DDAH1: variants seen among roughly 807,000 people sequenced by gnomAD.
The protein encoded by DDAH1 is dimethylarginine dimethylaminohydrolase 1.
A neutral mutation model predicts 28.8 loss-of-function variants in DDAH1; 19 were observed. The ratio of observed to expected loss-of-function variants is 0.66; its 90% CI spans 0.46 to 0.97. The LOEUF is 0.97. Ranked by LOEUF, DDAH1 falls within the 50% of genes least tolerant of loss-of-function variation. The probability of loss-of-function intolerance (pLI) is 0.00; values close to 1 mark genes in which losing one functional copy is unlikely to be tolerated. For missense variants in DDAH1, 326 were observed against 375.9 expected, an observed-to-expected ratio of 0.87 and a Z score of 1.10; for synonymous variants, 153 against 154.4, an observed-to-expected ratio of 0.99 and a Z score of 0.07.
chr1:85,550,748 A>ACACAC (rs1557752737), intron 1 of DDAH1, among the ~76,000 whole-genome samples: 1 of 150,590 alleles, frequency 6.6e-6, no homozygotes, highest in African/African-American at 2.4e-5. Flanking sequence ...AATAATAAAA[A>ACACAC]ACACACACAC....
intron 4 of DDAH1, among the ~76,000 whole-genome samples, chr1:85,332,747 G>T (rs549346654): frequency 4.6e-5 from 7 of 152,336 alleles, no homozygotes; most frequent in Admixed American, 3.3e-4. Context: ...CAAGCATGCT[G>T]TCTGGAGGCT....
chr1:85,560,220 GA>G (rs1214084657), intron 1 of DDAH1, among the ~76,000 whole-genome samples: 3 of 152,014 alleles, frequency 2.0e-5, no homozygotes, highest in African/African-American at 7.2e-5. Flanking sequence ...TCCGAACCCA[GA>G]AAAAATATTC....
At chr1:85,410,813 C>G (rs1652620830) in intron 1 of DDAH1, among the ~76,000 whole-genome samples, 2 of 152,312 alleles carry the variant, frequency 1.3e-5, no homozygotes, top group South Asian at 4.1e-4. Context: ...AAGTTTGTAT[C>G]ATAAATAATT....
chr1:85,400,277 C>T (rs190717893), intron 1 of DDAH1, among the ~76,000 whole-genome samples: 1,528 of 149,348 alleles, frequency 0.01, 9 homozygotes, highest in Middle Eastern at 0.032. Flanking sequence ...CTGCAACCTC[C>T]ACCTCCTGAG....
intron 1 of DDAH1, among the ~76,000 whole-genome samples, chr1:85,383,625 C>T (rs1651107094): frequency 6.6e-6 from 1 of 152,156 alleles, no homozygotes; most frequent in Admixed American, 6.5e-5. Context: ...TTGCTTCTTA[C>T]AGAGAAATGT....
In DDAH1 at chr1:85,437,228, T is replaced by C. The variant is rs1653981034; in HGVS notation, c.303+27515A>G. ...CATACTGGAGAGACCACATGGCATG[T>C]CCACACAGTGATGAAGAGAGAGGCC... On this transcript the variant is annotated intron_variant, in intron 1 of 5. Transcript: ENST00000284031. 2.0e-5 allele frequency among the ~76,000 whole-genome samples: 3 copies of C among 152,282 alleles called. 1 individual carries two copies. Among genetic ancestry groups the C allele is most frequent in the East Asian group, 1.9e-4 (1 of 5,180 alleles).
intron 1 of DDAH1, among the ~76,000 whole-genome samples, chr1:85,525,585 A>ACACACACG: frequency 6.6e-6 from 1 of 152,002 alleles, no homozygotes; most frequent in East Asian, 1.9e-4. Context: ...ACACACACAC[A>ACACACACG]CACTCCATAC....
chr1:85,465,051 C>A lies in DDAH1; in HGVS notation c.-6G>T. 7.7e-7 allele frequency: 1 copy of A among 1,295,650 alleles called. No individual in the cohort carries two copies. Among genetic ancestry groups the A allele is most frequent in the Non-Finnish European group, 9.8e-7 (1 of 1,024,730 alleles). 80.3% of individuals were successfully genotyped at this position (1,295,650 alleles called of 1,614,324 possible). ...GGGTGGCCGAGCCCGGCCATGGCTT[C>A]GGGAGGCTTAGGGGCGGCGGCGGCG... is the stretch of plus-strand genomic sequence containing the variant. On this transcript the variant is annotated 5_prime_UTR_variant, in exon 1 of 6. Coordinates refer to ENST00000284031, the MANE Select transcript of DDAH1 (RefSeq NM_012137.4).
chr1:85,333,076 C>T (rs895811804), intron 4 of DDAH1, among the ~76,000 whole-genome samples: 1 of 152,208 alleles, frequency 6.6e-6, no homozygotes, highest in Non-Finnish European at 1.5e-5. Context: ...CCCCGGGACC[C>T]AAGAACAGGC....
At position 85,437,028 on chromosome 1, in the gene DDAH1, CA is replaced by C. The variant is rs539784220; in HGVS notation, c.303+27714del. Among the ~76,000 whole-genome samples the C allele has an allele frequency of 6.7e-4, 101 of 150,830 alleles. 1 individual carries two copies. The highest frequency in any genetic ancestry group is 3.4e-3 in the Admixed American group (52 of 15,162). On this transcript the variant is annotated intron_variant, in intron 1 of 5. Transcript: ENST00000284031. ...CCAGTTTTAGTGGCTCACTTCTAAC[CA>C]AAAAAAAACCTGTGATGGAAGTGAT... is the stretch of plus-strand genomic sequence containing the variant.
At chr1:85,373,975 A>T (rs1650523845) in intron 1 of DDAH1, among the ~76,000 whole-genome samples, 1 of 152,128 alleles carries the variant, frequency 6.6e-6, no homozygotes, top group South Asian at 2.1e-4. Flanking sequence ...TGGGACCCCA[A>T]AGCCTGAATA....
upstream of DDAH1, among the ~76,000 whole-genome samples, chr1:85,468,612 C>T (rs759187622): frequency 8.6e-5 from 13 of 151,982 alleles, no homozygotes; most frequent in Non-Finnish European, 1.6e-4. Flanking sequence ...CTCTGCCTCC[C>T]GCGTTCACAC....
At chr1:85,362,319 A>C (rs1276144611) in intron 1 of DDAH1, among the ~76,000 whole-genome samples, 1 of 152,140 alleles carries the variant, frequency 6.6e-6, no homozygotes, top group Non-Finnish European at 1.5e-5. Context: ...CCTGTCTGGT[A>C]AGATGTTCCA....
chr1:85,465,220 G>A (rs2100695575), upstream of DDAH1: 1 of 1,116,194 alleles, frequency 9.0e-7, no homozygotes, highest in Admixed American at 5.0e-5. Flanking sequence ...CATGCCCAGA[G>A]CTCCGGGCGC....
intron 1 of DDAH1, among the ~76,000 whole-genome samples, chr1:85,365,614 CACACTCCAAACCAAGACATTATAT>C (rs1231293751): frequency 6.6e-6 from 1 of 152,132 alleles, no homozygotes; most frequent in African/African-American, 2.4e-5. Context: ...GATATGCAGA[CACACTCCAAACCAAGACATTATAT>C]ACACTCCAAA....
At chr1:85,546,833 TAAAC>T (rs1287131867) in intron 1 of DDAH1, among the ~76,000 whole-genome samples, 2 of 151,894 alleles carry the variant, frequency 1.3e-5, no homozygotes, top group East Asian at 1.9e-4. Context: ...AAGAAATAAA[TAAAC>T]AAAGAAGAAA....
chr1:85,576,802 G>C (rs1426335552), intron 1 of DDAH1: 1 of 152,556 alleles, frequency 6.6e-6, no homozygotes, highest in Admixed American at 6.5e-5. Context: ...TCGGCCCTCA[G>C]AGGGGTGAGG....
chr1:85,393,100 T>G (rs1018211865), intron 1 of DDAH1, among the ~76,000 whole-genome samples: 1 of 152,218 alleles, frequency 6.6e-6, no homozygotes, highest in African/African-American at 2.4e-5. Context: ...AATTGTTTTA[T>G]TCCCTCAAAC....
chr1:85,381,815 G>A (rs1651010645), intron 1 of DDAH1, among the ~76,000 whole-genome samples: 1 of 151,996 alleles, frequency 6.6e-6, no homozygotes, highest in Middle Eastern at 3.5e-3. Flanking sequence ...TTATATCTCT[G>A]TGTCACATTT....
Sources: allele counts gnomAD v4.1 joint callset (sites outside exome capture counted in the v4.1 genomes callset), GRCh38; gene constraint gnomAD v4.1.1; transcripts MANE v1.5; gene names NCBI Gene and HGNC (gene_info 2026-07-23, HGNC 2026-07-21).